Variants in HMGCLL1 observed in about 807,000 individuals in gnomAD.
The protein encoded by HMGCLL1 is 3-hydroxymethyl-3-methylglutaryl-CoA lyase, cytoplasmic.
A neutral mutation model predicts 39.1 loss-of-function variants in HMGCLL1; 36 were observed. The observed-to-expected ratio is 0.92, with a 90% CI of 0.71 to 1.22. The LOEUF (loss-of-function observed/expected upper bound fraction) is 1.22, where lower values mean the gene tolerates loss of function less well. Ranked by LOEUF, HMGCLL1 falls within the 50% of genes most tolerant of loss-of-function variation. The pLI, the probability that HMGCLL1 is intolerant of heterozygous loss-of-function variation, is 0.00. For synonymous variants in HMGCLL1, 149 were observed against 144.0 expected (o/e 1.03, Z -0.25); for missense variants, 451 against 416.5 (o/e 1.08, Z -0.72).
intron 7 of HMGCLL1, among the ~76,000 whole-genome samples, chr6:55,473,932 C>T (rs1043239733): frequency 1.3e-5 from 2 of 151,474 alleles, no homozygotes; most frequent in African/African-American, 4.8e-5. Flanking sequence ...CTTCATTCTA[C>T]TTTCTAGTTG....
At chr6:55,663,117 A>T in the HMGCLL1 span, among the ~76,000 whole-genome samples, 43 of 149,634 alleles carry the variant, frequency 2.9e-4, 1 homozygote, top group Admixed American at 4.7e-4. Context: ...CTTATTAATT[A>T]AAAAAAAACA....
At chr6:55,534,972 T>G (rs1470889595) in intron 3 of HMGCLL1, among the ~76,000 whole-genome samples, 3 of 152,208 alleles carry the variant, frequency 2.0e-5, no homozygotes, top group African/African-American at 4.8e-5. Context: ...AGTCTATGGT[T>G]CATGCCATTT....
At chr6:55,590,314 T>G in the HMGCLL1 span, among the ~76,000 whole-genome samples, 1 of 152,158 alleles carries the variant, frequency 6.6e-6, no homozygotes, top group South Asian at 2.1e-4. Flanking sequence ...GATTCCCTAT[T>G]TAATTAATGG....
At chr6:55,581,118 CTTT>C (rs1241653143), upstream of HMGCLL1, among the ~76,000 whole-genome samples, 1 of 152,030 alleles carries the variant, frequency 6.6e-6, no homozygotes, top group Non-Finnish European at 1.5e-5. Flanking sequence ...GAAGTCTAAA[CTTT>C]TGGAGAATAA....
chr6:55,587,144 G>C, the HMGCLL1 span, among the ~76,000 whole-genome samples: 1 of 152,162 alleles, frequency 6.6e-6, no homozygotes, highest in East Asian at 1.9e-4. Flanking sequence ...CTGATGGCCA[G>C]TCATGATGAG....
At chr6:55,653,208 AG>A in the HMGCLL1 span, among the ~76,000 whole-genome samples, 1 of 152,070 alleles carries the variant, frequency 6.6e-6, no homozygotes, top group Non-Finnish European at 1.5e-5. Flanking sequence ...TTTTATGGCA[AG>A]AAAAAAATTC....
At chr6:55,499,334 T>G in intron 5 of HMGCLL1, 35 bp from the exon 6 acceptor site, 1 of 1,446,608 alleles carries the variant, frequency 6.9e-7, no homozygotes, top group Non-Finnish European at 9.4e-7. Flanking sequence ...AATATGCATA[T>G]GGTAAATAAG....
chr6:55,651,244 A>T, the HMGCLL1 span, among the ~76,000 whole-genome samples: 1 of 152,096 alleles, frequency 6.6e-6, no homozygotes. Context: ...CTGTAGTCAG[A>T]ACGTGATAAA....
the HMGCLL1 span, among the ~76,000 whole-genome samples, chr6:55,615,364 G>A: frequency 9.8e-3 from 1,494 of 152,224 alleles, 24 homozygotes; most frequent in African/African-American, 0.023. Flanking sequence ...AGACAAAGGT[G>A]AATCTCAAGC....
intron 7 of HMGCLL1, among the ~76,000 whole-genome samples, chr6:55,443,879 G>C (rs1315704390): frequency 6.6e-6 from 1 of 152,054 alleles, no homozygotes; most frequent in Non-Finnish European, 1.5e-5. Context: ...CTTGAAAAAA[G>C]TCAGGCTCAA....
chr6:55,486,014 G>A (rs1301816160), intron 7 of HMGCLL1, among the ~76,000 whole-genome samples: 1 of 150,800 alleles, frequency 6.6e-6, no homozygotes, highest in Non-Finnish European at 1.5e-5. Context: ...AGTGGGATCA[G>A]TTAAATTAAC....
the HMGCLL1 span, among the ~76,000 whole-genome samples, chr6:55,653,962 C>T: frequency 6.6e-6 from 1 of 151,996 alleles, no homozygotes; most frequent in East Asian, 1.9e-4. Flanking sequence ...TTGAGTTTGA[C>T]ATTGAGATGG....
chr6:55,533,881 G>C (rs1452201510), intron 3 of HMGCLL1, among the ~76,000 whole-genome samples: 3 of 21,550 alleles, frequency 1.4e-4, no homozygotes, highest in Non-Finnish European at 2.7e-4. Flanking sequence ...GCGAGACTCC[G>C]TCTCAAAAAA....
At chr6:55,649,879 T>C in the HMGCLL1 span, among the ~76,000 whole-genome samples, 2 of 151,356 alleles carry the variant, frequency 1.3e-5, no homozygotes, top group Non-Finnish European at 2.9e-5. Context: ...GAGATACTGA[T>C]GAATTTTTCA....
chr6:55,597,102 A>G, the HMGCLL1 span, among the ~76,000 whole-genome samples: 22 of 123,416 alleles, frequency 1.8e-4, no homozygotes, highest in African/African-American at 5.4e-4. Context: ...TTTGAATTTT[A>G]TTTCAAGGTT....
chr6:55,596,471 A>G, the HMGCLL1 span, among the ~76,000 whole-genome samples: 1 of 152,226 alleles, frequency 6.6e-6, no homozygotes, highest in Non-Finnish European at 1.5e-5. Flanking sequence ...TTTAATGTTT[A>G]TCTCTAATGC....
intron 7 of HMGCLL1, among the ~76,000 whole-genome samples, chr6:55,472,055 A>T (rs1765071505): frequency 6.6e-6 from 1 of 151,624 alleles, no homozygotes; most frequent in African/African-American, 2.4e-5. Flanking sequence ...TTTATTACTG[A>T]TATGTATTTG....
At chr6:55,672,088 T>C in the HMGCLL1 span, among the ~76,000 whole-genome samples, 1 of 151,778 alleles carries the variant, frequency 6.6e-6, no homozygotes. Context: ...TTTCAGTGTC[T>C]ATCCTTTTGT....
chr6:55,586,437 C>A, the HMGCLL1 span, among the ~76,000 whole-genome samples: 2 of 151,696 alleles, frequency 1.3e-5, no homozygotes, highest in Non-Finnish European at 2.9e-5. Flanking sequence ...GGTACATGTG[C>A]ACAATGAGCA....
Sources: allele counts gnomAD v4.1 joint callset (sites outside exome capture counted in the v4.1 genomes callset), GRCh38; gene constraint gnomAD v4.1.1; transcripts MANE v1.5; gene names NCBI Gene and HGNC (gene_info 2026-07-23, HGNC 2026-07-21).